Variants in NEDD4L observed in about 807,000 individuals in gnomAD.
The protein encoded by NEDD4L is NEDD4 like E3 ubiquitin protein ligase.
NEDD4L carries 54 observed loss-of-function variants against 148.9 expected under a neutral mutation model. The ratio of observed to expected loss-of-function variants is 0.36; its 90% CI spans 0.29 to 0.45. The LOEUF (loss-of-function observed/expected upper bound fraction) is 0.45, where lower values mean the gene tolerates loss of function less well. Ranked by LOEUF, NEDD4L falls within the 20% of genes least tolerant of loss-of-function variation. The pLI is 1.00. For synonymous variants in NEDD4L, 433 were observed against 440.7 expected (o/e 0.98, Z 0.22); for missense variants, 856 against 1,233.8 (o/e 0.69, Z 4.59).
chr18:58,249,457 A>G (rs2047646536), intron 4 of NEDD4L, among the ~76,000 whole-genome samples: 1 of 152,212 alleles, frequency 6.6e-6, no homozygotes, highest in Admixed American at 6.5e-5. Context: ...TCAACCTTTT[A>G]TATTTAATAT....
intron 5 of NEDD4L, among the ~76,000 whole-genome samples, chr18:58,311,405 C>T (rs895987613): frequency 3.3e-5 from 5 of 152,200 alleles, no homozygotes; most frequent in African/African-American, 1.2e-4. Context: ...TCTGTTACCC[C>T]GGCTGGAGTT....
intron 20 of NEDD4L, 53 bp downstream of exon 20, chr18:58,364,386 C>G: frequency 9.0e-7 from 1 of 1,116,326 alleles, no homozygotes; most frequent in South Asian, 1.4e-5. Context: ...TGTAAGTTAC[C>G]ACAGTCACTT....
At position 58,399,046 on chromosome 18, in the gene NEDD4L, C is replaced by T. The variant is rs1250884415; in HGVS notation, c.*2777C>T. 6.6e-6 allele frequency: 1 copy of T among 152,262 alleles called. No individual in the cohort carries two copies. Among genetic ancestry groups the T allele is most frequent in the African/African-American group, 2.4e-5 (1 of 41,452 alleles). The allele number at this position is 152,262 out of a possible 1,614,324, so 9.4% of individuals were successfully genotyped here. A position where few individuals can be genotyped will look rare whatever the true frequency, so the allele number is the denominator to read the frequency against. ...GTTATTATGGGCCACTTACATGAGG[C>T]TGAGAAGTACGTGCCGGAGCTCACA... is the stretch of plus-strand genomic sequence containing the variant. On this transcript the variant is annotated 3_prime_UTR_variant, in exon 31 of 31. Coordinates refer to ENST00000400345, the MANE Select transcript of NEDD4L (RefSeq NM_001144967.3).
chr18:58,335,656 G>A, intron 13 of NEDD4L, 119 bp downstream of exon 13: 1 of 767,322 alleles, frequency 1.3e-6, no homozygotes, highest in South Asian at 1.5e-5. Flanking sequence ...GTGCTACAGA[G>A]CTGCACACGT....
At chr18:58,285,037 A>G (rs1053640151) in intron 5 of NEDD4L, among the ~76,000 whole-genome samples, 2 of 152,242 alleles carry the variant, frequency 1.3e-5, no homozygotes, top group African/African-American at 4.8e-5. Flanking sequence ...CAAGAACTGC[A>G]TGATTTTTAA....
intron 20 of NEDD4L, among the ~76,000 whole-genome samples, chr18:58,365,115 G>A (rs1174718221): frequency 1.3e-5 from 2 of 152,184 alleles, no homozygotes; most frequent in African/African-American, 2.4e-5. Flanking sequence ...CTCCTGCCCG[G>A]GAACATCTCT....
chr18:58,392,301 G>A (rs930922562), intron 30 of NEDD4L, among the ~76,000 whole-genome samples: 1 of 152,224 alleles, frequency 6.6e-6, no homozygotes, highest in Admixed American at 6.5e-5. Flanking sequence ...GCAGAAGTGG[G>A]CCTTCTGGAA....
intron 24 of NEDD4L, among the ~76,000 whole-genome samples, chr18:58,375,214 C>T (rs886707639): frequency 1.3e-5 from 2 of 152,144 alleles, no homozygotes; most frequent in Admixed American, 6.5e-5. Context: ...TGTCTGTGCA[C>T]TCCCCTAGCC....
chr18:58,193,548 C>A (rs1268222278), intron 2 of NEDD4L, among the ~76,000 whole-genome samples: 1 of 152,334 alleles, frequency 6.6e-6, no homozygotes, highest in South Asian at 2.1e-4. Flanking sequence ...ATCCAACTTA[C>A]ACACACCACT....
At chr18:58,294,809 A>G (rs2055322724) in intron 5 of NEDD4L, among the ~76,000 whole-genome samples, 1 of 151,918 alleles carries the variant, frequency 6.6e-6, no homozygotes, top group African/African-American at 2.4e-5. Flanking sequence ...AGTTTTTTTC[A>G]CATTATATAT....
At chr18:58,259,767 C>G (rs929519924) in intron 5 of NEDD4L, among the ~76,000 whole-genome samples, 1 of 152,172 alleles carries the variant, frequency 6.6e-6, no homozygotes, top group African/African-American at 2.4e-5. Flanking sequence ...ACTGCATATG[C>G]TATTGGAGAA....
intron 2 of NEDD4L, among the ~76,000 whole-genome samples, chr18:58,172,150 C>A (rs887662646): frequency 6.6e-6 from 1 of 152,078 alleles, no homozygotes. Flanking sequence ...GACTCAGGCA[C>A]CATGGAATAC....
intron 1 of NEDD4L, among the ~76,000 whole-genome samples, chr18:58,098,183 A>G (rs1343254261): frequency 6.6e-6 from 1 of 152,162 alleles, no homozygotes; most frequent in Non-Finnish European, 1.5e-5. Flanking sequence ...GCCTAAGGTC[A>G]GCTGAGCAGA....
At chr18:58,371,261 G>A (rs1336910947) in intron 23 of NEDD4L, among the ~76,000 whole-genome samples, 1 of 139,354 alleles carries the variant, frequency 7.2e-6, no homozygotes, top group Non-Finnish European at 1.5e-5. Flanking sequence ...CGCTATGTTG[G>A]CCAGGATGGT....
intron 4 of NEDD4L, among the ~76,000 whole-genome samples, chr18:58,249,463 A>G (rs1015601998): frequency 6.6e-6 from 1 of 152,236 alleles, no homozygotes; most frequent in Non-Finnish European, 1.5e-5. Context: ...TTTTATATTT[A>G]ATATTTAGAA....
At chr18:58,361,638 C>T (rs998239852) in intron 19 of NEDD4L, among the ~76,000 whole-genome samples, 2 of 152,142 alleles carry the variant, frequency 1.3e-5, no homozygotes, top group Non-Finnish European at 2.9e-5. Context: ...GGGCATGAGC[C>T]CTTCTGTGCA....
At chr18:58,253,435 A>G (rs902583855) in intron 5 of NEDD4L, among the ~76,000 whole-genome samples, 2 of 152,342 alleles carry the variant, frequency 1.3e-5, no homozygotes, top group Admixed American at 1.3e-4. Flanking sequence ...TGGGTGATGA[A>G]CAGTCGTACA....
At chr18:58,202,171 C>T (rs1190879773) in intron 2 of NEDD4L, among the ~76,000 whole-genome samples, 1 of 152,158 alleles carries the variant, frequency 6.6e-6, no homozygotes, top group Non-Finnish European at 1.5e-5. Flanking sequence ...ACCTTTCTTC[C>T]TGCCTCAAGT....
At chr18:58,198,909 A>G (rs1034037579) in intron 2 of NEDD4L, among the ~76,000 whole-genome samples, 8 of 152,082 alleles carry the variant, frequency 5.3e-5, no homozygotes, top group Non-Finnish European at 1.2e-4. Flanking sequence ...GGTTCAAGCA[A>G]TTCTCCTGCC....
Sources: gnomAD v4.1 joint callset for allele counts (sites outside exome capture counted in the v4.1 genomes callset) on GRCh38, gnomAD v4.1.1 for gene constraint, MANE v1.5 for transcripts, NCBI Gene and HGNC (gene_info 2026-07-23, HGNC 2026-07-21) for gene names.